Variants in OTOGL observed in about 807,000 individuals in gnomAD.
OTOGL encodes otogelin-like protein.
In OTOGL, 285 loss-of-function variants were observed where a neutral mutation model predicts 318.5. The ratio of observed to expected loss-of-function variants is 0.89; its 90% confidence interval spans 0.81 to 0.99. The LOEUF is 0.99. OTOGL is among the 50% of genes least tolerant of loss of function. OTOGL has a pLI of 0.00. For synonymous variants in OTOGL, 987 were observed against 936.5 expected, an observed-to-expected ratio of 1.05 and a Z score of -0.99; for missense variants, 2,899 against 2,845.6, an observed-to-expected ratio of 1.02 and a Z score of -0.43.
intron 1 of OTOGL, among the ~76,000 whole-genome samples, chr12:80,153,234 C>G (rs568005076): frequency 1.8e-4 from 27 of 152,030 alleles, no homozygotes; most frequent in African/African-American, 6.3e-4. Context: ...GATGAGGGCA[C>G]GTTTTCTGGT....
At chr12:80,333,561 C>T (rs1346716151) in intron 38 of OTOGL, among the ~76,000 whole-genome samples, 5 of 151,810 alleles carry the variant, frequency 3.3e-5, no homozygotes, top group Admixed American at 6.6e-5. Flanking sequence ...TATTTAGCAC[C>T]ATTTCTGGCC....
intron 21 of OTOGL, 55 bp from the exon 22 acceptor site, chr12:80,267,198 T>C: frequency 8.5e-7 from 1 of 1,171,772 alleles, no homozygotes; most frequent in Non-Finnish European, 1.2e-6. Context: ...AGCTTGAATT[T>C]TAGTGGTTTT....
chr12:80,278,251 T>C lies in OTOGL; in HGVS notation c.2765T>C (p.Val922Ala). The C allele has an allele frequency of 6.5e-7, 1 of 1,543,946 alleles. No individual in the cohort carries two copies. The highest frequency in any genetic ancestry group is 8.8e-7 in the Non-Finnish European group (1 of 1,141,672). ...WKDWEYLSGE[V>A]IATPCYTCVC... is the part of the protein sequence containing the mutation. The stretch of plus-strand genomic sequence containing the variant: ...GATTGGGAGTATCTCTCAGGAGAAG[T>C]GATTGCTACACCGTGTTACACCTGG... Residue 922 changes from valine (V) to alanine (A), a missense_variant, in exon 25 of 59, where the codon GTG (valine) becomes GCG (alanine). Coordinates refer to ENST00000547103, the MANE Select transcript of OTOGL (RefSeq NM_001378609.3).
chr12:80,169,691 C>T (rs1874058541), intron 1 of OTOGL, among the ~76,000 whole-genome samples: 2 of 152,172 alleles, frequency 1.3e-5, no homozygotes, highest in African/African-American at 4.8e-5. Flanking sequence ...CTTCTTCTGT[C>T]CCTGAGCCTT....
intron 28 of OTOGL, among the ~76,000 whole-genome samples, chr12:80,304,919 G>A (rs935474055): frequency 4.6e-5 from 7 of 152,118 alleles, no homozygotes; most frequent in African/African-American, 1.7e-4. Context: ...CTCTGGCAAA[G>A]CAGACAATAA....
At chr12:80,184,154 C>T (rs74108543) in intron 1 of OTOGL, among the ~76,000 whole-genome samples, 3,318 of 152,220 alleles carry the variant, frequency 0.022, 102 homozygotes, top group African/African-American at 0.074. Context: ...CCTATACTAA[C>T]GGCAAGCCCT....
chr12:80,356,020 C>G (rs1003741232), intron 47 of OTOGL, 72 bp downstream of exon 47: 1 of 1,468,856 alleles, frequency 6.8e-7, no homozygotes, highest in African/African-American at 1.4e-5. Flanking sequence ...AAAAGCAGAG[C>G]ATATATAATG....
intron 55 of OTOGL, among the ~76,000 whole-genome samples, chr12:80,370,188 A>G (rs1890789314): frequency 1.3e-5 from 2 of 151,996 alleles, no homozygotes; most frequent in Admixed American, 6.6e-5. Context: ...TTGTTTTATA[A>G]TTAGTGAGGA....
In OTOGL at chr12:80,246,084, G is replaced by GAT. The variant is rs1880852071; in HGVS notation, c.1053-5607_1053-5606dup. 1.1e-4 allele frequency among the ~76,000 whole-genome samples: 17 copies of GAT among 151,756 alleles called. No individual in the cohort carries two copies. The South Asian group carries it at 3.5e-3, about 32-fold the overall frequency. ...TGGGCTGAGACAATGGGGTTTTCTA[G>GAT]ATACACAATCATGTCATCTGCAAAC... On this transcript the variant is annotated intron_variant, in intron 11 of 58. Transcript: ENST00000547103.
chr12:80,207,443 G>A (rs907231744), intron 1 of OTOGL, among the ~76,000 whole-genome samples: 20 of 151,992 alleles, frequency 1.3e-4, no homozygotes, highest in African/African-American at 4.8e-4. Flanking sequence ...GACCTCAGGT[G>A]ATCCCCCTGG....
Position 80,378,202 on chromosome 12 carries a change from T to C in OTOGL, c.*154T>C, listed in dbSNP as rs1891279288. ...GAAATTTAGCAATTTGTACAAAATATATACAGTTTCAATAGCAAAATTAAA... is the reference window on the plus strand; with the variant it reads ...GAAATTTAGCAATTTGTACAAAATACATACAGTTTCAATAGCAAAATTAAA... On this transcript the variant is annotated 3_prime_UTR_variant, in exon 59 of 59. Transcript: ENST00000547103. 5.2e-6 allele frequency: 3 copies of C among 580,960 alleles called. No homozygotes were observed. The highest frequency in any genetic ancestry group is 8.8e-6 in the Non-Finnish European group (3 of 340,040). 36.0% of individuals were successfully genotyped at this position (580,960 alleles called of 1,614,324 possible).
At chr12:80,231,693 G>A (rs550772783) in intron 8 of OTOGL, among the ~76,000 whole-genome samples, 126 of 151,818 alleles carry the variant, frequency 8.3e-4, no homozygotes, top group African/African-American at 2.9e-3. Context: ...GGAGTGCAGC[G>A]ACATGATTTC....
chr12:80,225,480 C>T (rs1346329379), intron 7 of OTOGL, among the ~76,000 whole-genome samples: 7 of 151,908 alleles, frequency 4.6e-5, no homozygotes, highest in Non-Finnish European at 8.8e-5. Context: ...TGTCACTTTC[C>T]CCTTGATTAT....
intron 19 of OTOGL, among the ~76,000 whole-genome samples, chr12:80,264,208 C>A (rs1349432503): frequency 1.3e-5 from 2 of 151,992 alleles, no homozygotes; most frequent in Non-Finnish European, 2.9e-5. Context: ...ACAAACCTAC[C>A]CTCTTTCAGA....
intron 1 of OTOGL, among the ~76,000 whole-genome samples, chr12:80,119,640 C>G (rs1189416116): frequency 6.6e-6 from 1 of 152,158 alleles, no homozygotes; most frequent in Non-Finnish European, 1.5e-5. Context: ...GCCCCTTCCC[C>G]CATGTACTCT....
intron 46 of OTOGL, among the ~76,000 whole-genome samples, chr12:80,354,279 A>G (rs554539038): frequency 6.6e-5 from 10 of 152,296 alleles, no homozygotes; most frequent in African/African-American, 1.2e-4. Flanking sequence ...ACCTTCTGCC[A>G]TAGTACAAGG....
At position 80,131,717 on chromosome 12, in the gene OTOGL, T is replaced by C. The variant is rs186043053; in HGVS notation, c.-20+32112T>C. 4.1e-3 allele frequency: 618 copies of C among 152,344 alleles called. 4 individuals carry two copies. Among genetic ancestry groups the C allele is most frequent in the African/African-American group, 0.014 (595 of 41,584 alleles). 9.4% of individuals were successfully genotyped at this position (152,344 alleles called of 1,614,324 possible). On this transcript the variant is annotated intron_variant, in intron 1 of 58. Transcript: ENST00000547103. ...TATTATTATAACCTATGCATGAAAC[T>C]CATTGATTTAGATACATTAGTTCAT...
At chr12:80,311,374 T>C (rs1387221714) in intron 30 of OTOGL, among the ~76,000 whole-genome samples, 2 of 152,210 alleles carry the variant, frequency 1.3e-5, no homozygotes, top group Admixed American at 6.5e-5. Flanking sequence ...GAACAAATGA[T>C]ATATGGTTAT....
At chr12:80,377,482 G>T (rs192897563) in intron 58 of OTOGL, among the ~76,000 whole-genome samples, 134 of 152,238 alleles carry the variant, frequency 8.8e-4, no homozygotes, top group Admixed American at 3.3e-3. Context: ...ATTTTACTCA[G>T]CAAAAAGAGT....
Sources: gnomAD v4.1 joint callset for allele counts (sites outside exome capture counted in the v4.1 genomes callset) on GRCh38, gnomAD v4.1.1 for gene constraint, MANE v1.5 for transcripts, NCBI Gene and HGNC (gene_info 2026-07-23, HGNC 2026-07-21) for gene names.